The following STARD13 variants were observed in gnomAD, a reference collection of about 807,000 sequenced individuals.
The protein encoded by STARD13 is StAR related lipid transfer domain containing 13.
STARD13 carries 62 observed loss-of-function variants against 106.4 expected under a neutral mutation model. The ratio of observed to expected loss-of-function variants is 0.58; its 90% CI spans 0.48 to 0.72. The LOEUF is 0.72. Among genes scored for constraint, STARD13 ranks in the 30% least tolerant of loss-of-function variants. The probability of loss-of-function intolerance (pLI) is 0.00; values close to 1 mark genes in which losing one functional copy is unlikely to be tolerated. For missense variants in STARD13, 1,387 were observed against 1,424.0 expected, an observed-to-expected ratio of 0.97 and a Z score of 0.42; for synonymous variants, 565 against 553.0, an observed-to-expected ratio of 1.02 and a Z score of -0.31.
intron 3 of STARD13, among the ~76,000 whole-genome samples, chr13:33,147,789 C>T (rs540454260): frequency 6.6e-6 from 1 of 152,264 alleles, no homozygotes; most frequent in Admixed American, 6.5e-5. Context: ...AGGGGCAAAA[C>T]TGGAGGACTG....
At chr13:33,458,393 C>T in the STARD13 span, among the ~76,000 whole-genome samples, 1 of 151,696 alleles carries the variant, frequency 6.6e-6, no homozygotes, top group Non-Finnish European at 1.5e-5. Context: ...CTGCTTCAGC[C>T]TCCCGCGAAA....
Position 33,130,354 on chromosome 13 carries a change from T to C in STARD13, c.388-65A>G. ...TGGCTGAAGCAGGAACTCTGGGTGCTCTGAGGGCAGCCCTGTGTGGTCCTC... is the reference window on the plus strand; with the variant it reads ...TGGCTGAAGCAGGAACTCTGGGTGCCCTGAGGGCAGCCCTGTGTGGTCCTC... On this transcript the variant is annotated intron_variant, in intron 4 of 13. Transcript: ENST00000336934. This position sits in a 1 kb window ranked among gnomAD's most constrained non-coding sequence, Gnocchi z 4.1. 2 of 1,514,242 alleles carry C rather than the reference T, an allele frequency of 1.3e-6. No homozygotes were observed. The highest frequency in any genetic ancestry group is 1.4e-5 in the African/African-American group (1 of 73,688). 93.8% of individuals were successfully genotyped at this position (1,514,242 alleles called of 1,614,324 possible). A position where few individuals can be genotyped will look rare whatever the true frequency, so the allele number is the denominator to read the frequency against.
intron 7 of STARD13, among the ~76,000 whole-genome samples, chr13:33,121,321 CTT>C (rs1250851231): frequency 6.6e-6 from 1 of 152,054 alleles, no homozygotes; most frequent in African/African-American, 2.4e-5. Flanking sequence ...AATCCCAGCA[CTT>C]TGGGAGGCCG....
At chr13:33,439,824 A>T in the STARD13 span, 3 of 487,780 alleles carry the variant, frequency 6.2e-6, 1 homozygote, top group South Asian at 5.8e-5. Flanking sequence ...AATTAGAATC[A>T]AATGGCCTCC....
the STARD13 span, among the ~76,000 whole-genome samples, chr13:33,478,551 T>C: frequency 1.3e-5 from 2 of 152,228 alleles, no homozygotes; most frequent in Non-Finnish European, 2.9e-5. Context: ...TGTTACTTTT[T>C]TTTCAATGTG....
intron 1 of STARD13, among the ~76,000 whole-genome samples, chr13:33,299,708 T>TA (rs1892638861): frequency 6.6e-6 from 1 of 152,282 alleles, no homozygotes; most frequent in African/African-American, 2.4e-5. Context: ...TCTAAGGAGG[T>TA]AGGTGAATGG....
the STARD13 span, among the ~76,000 whole-genome samples, chr13:33,552,861 G>A: frequency 1.3e-5 from 2 of 152,032 alleles, no homozygotes; most frequent in African/African-American, 4.8e-5. Context: ...TTGATTTTCT[G>A]ACTTAAAATC....
chr13:33,285,851 G>A (rs559811033), upstream of STARD13: 3 of 1,180,808 alleles, frequency 2.5e-6, no homozygotes, highest in East Asian at 3.1e-5. Context: ...AGAGGAAAAT[G>A]GGAACGTTTG....
chr13:33,135,300 C>G (rs1281066850), intron 4 of STARD13, among the ~76,000 whole-genome samples: 1 of 152,208 alleles, frequency 6.6e-6, no homozygotes, highest in Non-Finnish European at 1.5e-5. Flanking sequence ...CCATTTGTCA[C>G]CATTTGAAAA....
At chr13:33,119,307 C>T (rs1219091292) in intron 7 of STARD13, among the ~76,000 whole-genome samples, 1 of 152,156 alleles carries the variant, frequency 6.6e-6, no homozygotes, top group Non-Finnish European at 1.5e-5. Flanking sequence ...CTCTCATTCC[C>T]CAGTGGCTCA....
the STARD13 span, among the ~76,000 whole-genome samples, chr13:33,665,059 G>A: frequency 4.4e-3 from 670 of 152,346 alleles, 6 homozygotes; most frequent in African/African-American, 0.015. Context: ...CAGAGGAAGT[G>A]GAGACCCTGT....
chr13:33,357,904 C>G, the STARD13 span, among the ~76,000 whole-genome samples: 1 of 152,256 alleles, frequency 6.6e-6, no homozygotes, highest in Admixed American at 6.5e-5. Flanking sequence ...TTCAGCCCCC[C>G]ACTGCACTGT....
intron 1 of STARD13, among the ~76,000 whole-genome samples, chr13:33,259,484 C>T (rs1189531584): frequency 6.6e-6 from 1 of 152,190 alleles, no homozygotes; most frequent in Non-Finnish European, 1.5e-5. Context: ...TGATCTGATG[C>T]AATCTCAACC....
At chr13:33,444,734 A>T in the STARD13 span, among the ~76,000 whole-genome samples, 1 of 152,152 alleles carries the variant, frequency 6.6e-6, no homozygotes, top group Non-Finnish European at 1.5e-5. Flanking sequence ...CCACCACTGC[A>T]CTCCAGCCTG....
the STARD13 span, among the ~76,000 whole-genome samples, chr13:33,478,768 T>G: frequency 6.6e-6 from 1 of 152,022 alleles, no homozygotes; most frequent in African/African-American, 2.4e-5. Flanking sequence ...ATAGAAAAAT[T>G]ATCCAGGTAT....
chr13:33,121,965 C>G (rs1308034913), intron 7 of STARD13, among the ~76,000 whole-genome samples: 7 of 152,108 alleles, frequency 4.6e-5, no homozygotes. Flanking sequence ...CCTGCCTCAG[C>G]CCCCTGAGTA....
At chr13:33,152,925 A>G (rs1881476397) in intron 3 of STARD13, among the ~76,000 whole-genome samples, 1 of 152,228 alleles carries the variant, frequency 6.6e-6, no homozygotes, top group Non-Finnish European at 1.5e-5. Flanking sequence ...GGGTGGCTGT[A>G]TCAAATCTTT....
chr13:33,473,154 C>T, the STARD13 span, among the ~76,000 whole-genome samples: 1 of 152,076 alleles, frequency 6.6e-6, no homozygotes, highest in African/African-American at 2.4e-5. Context: ...GTGTTAGACA[C>T]AGGAGATACA....
intron 1 of STARD13, among the ~76,000 whole-genome samples, chr13:33,311,524 T>A (rs1454137297): frequency 6.6e-6 from 1 of 152,234 alleles, no homozygotes; most frequent in African/African-American, 2.4e-5. Flanking sequence ...AGCTTCTGTT[T>A]CTTTATTTGC....
Sources: gnomAD v4.1 joint callset for allele counts (sites outside exome capture counted in the v4.1 genomes callset) on GRCh38, gnomAD v4.1.1 for gene constraint, Gnocchi (gnomAD v3.1) non-coding constraint, MANE v1.5 for transcripts, NCBI Gene and HGNC (gene_info 2026-07-23, HGNC 2026-07-21) for gene names.